GPC5: variants seen among roughly 807,000 people sequenced by gnomAD.
GPC5 encodes glypican-5.
GPC5 carries 47 observed loss-of-function variants against 53.9 expected under a neutral mutation model. The observed-to-expected ratio is 0.87, with a 90% CI of 0.69 to 1.11. GPC5 has a LOEUF of 1.11. Among genes scored for constraint, GPC5 ranks in the 50% most tolerant of loss-of-function variants. The probability of loss-of-function intolerance (pLI) is 0.00; values close to 1 mark genes in which losing one functional copy is unlikely to be tolerated. For synonymous variants in GPC5, 286 were observed against 263.3 expected, an observed-to-expected ratio of 1.09 and a Z score of -0.84; for missense variants, 748 against 713.1, an observed-to-expected ratio of 1.05 and a Z score of -0.56.
At chr13:92,073,465 A>G (rs1166944670) in intron 6 of GPC5, among the ~76,000 whole-genome samples, 1 of 152,198 alleles carries the variant, frequency 6.6e-6, no homozygotes, top group African/African-American at 2.4e-5. Context: ...GGACAAATGT[A>G]GGGCCTTCTG....
At chr13:91,747,244 C>T (rs2037069354) in intron 4 of GPC5, among the ~76,000 whole-genome samples, 1 of 152,156 alleles carries the variant, frequency 6.6e-6, no homozygotes, top group African/African-American at 2.4e-5. Flanking sequence ...ATTCCTTTGT[C>T]AACAGATTCA....
At chr13:92,195,765 T>C (rs895263721) in intron 7 of GPC5, among the ~76,000 whole-genome samples, 8 of 152,242 alleles carry the variant, frequency 5.3e-5, no homozygotes, top group African/African-American at 1.9e-4. Context: ...AAGTTATTTA[T>C]ATACTTAATA....
chr13:92,685,373 G>A (rs1254486256), intron 7 of GPC5, among the ~76,000 whole-genome samples: 2 of 151,962 alleles, frequency 1.3e-5, no homozygotes, highest in Non-Finnish European at 2.9e-5. Context: ...AGGATTACAG[G>A]CATGAGCCAC....
intron 2 of GPC5, among the ~76,000 whole-genome samples, chr13:91,629,133 T>C (rs2034088872): frequency 6.6e-6 from 1 of 152,164 alleles, no homozygotes; most frequent in African/African-American, 2.4e-5. Flanking sequence ...TATGTGTTAA[T>C]AAATTATTTC....
At chr13:92,831,185 A>AAAATC (rs1206400788) in intron 7 of GPC5, among the ~76,000 whole-genome samples, 1 of 152,124 alleles carries the variant, frequency 6.6e-6, no homozygotes, top group Admixed American at 6.6e-5. Context: ...GTAAAATGAT[A>AAAATC]AAATCAAATT....
At chr13:92,784,886 C>T (rs2138766418) in intron 7 of GPC5, among the ~76,000 whole-genome samples, 1 of 152,266 alleles carries the variant, frequency 6.6e-6, no homozygotes, top group East Asian at 1.9e-4. Context: ...ATATGTAACA[C>T]AAATTATTAT....
At chr13:92,305,088 A>C (rs913366605) in intron 7 of GPC5, among the ~76,000 whole-genome samples, 5 of 152,204 alleles carry the variant, frequency 3.3e-5, no homozygotes, top group Non-Finnish European at 7.3e-5. Flanking sequence ...AATTATCAGA[A>C]TAACAGTATA....
chr13:92,712,084 A>G (rs915338569), intron 7 of GPC5, among the ~76,000 whole-genome samples: 1 of 151,398 alleles, frequency 6.6e-6, no homozygotes, highest in African/African-American at 2.4e-5. Flanking sequence ...TTAAAACAAA[A>G]AATAAATTTT....
chr13:92,309,782 G>C (rs1239094757), intron 7 of GPC5, among the ~76,000 whole-genome samples: 1 of 151,980 alleles, frequency 6.6e-6, no homozygotes, highest in Non-Finnish European at 1.5e-5. Flanking sequence ...TGAGCAATTT[G>C]CAAGTGCACA....
intron 1 of GPC5, among the ~76,000 whole-genome samples, chr13:91,406,938 T>A (rs891496069): frequency 2.0e-5 from 3 of 152,242 alleles, no homozygotes; most frequent in African/African-American, 7.2e-5. Context: ...TAATGGAAGG[T>A]AGGGACTCAA....
In GPC5 at chr13:92,307,856, C is replaced by T. The variant is rs575208865; in HGVS notation, c.1561+162867C>T. On this transcript the variant is annotated intron_variant, in intron 7 of 7. Transcript: ENST00000377067. ...TATAAGGCAGTAAGTGGTTAAATTACTTGCCCCCTTTTCTCACTATCTAGG... is the reference window on the plus strand; with the variant it reads ...TATAAGGCAGTAAGTGGTTAAATTATTTGCCCCCTTTTCTCACTATCTAGG... Among the ~76,000 whole-genome samples the T allele has an allele frequency of 4.6e-5, 7 of 152,364 alleles. No homozygotes were observed. The South Asian group carries it at 1.4e-3, about 32-fold the overall frequency.
chr13:91,893,010 A>G (rs2039403948), intron 5 of GPC5, among the ~76,000 whole-genome samples: 1 of 151,978 alleles, frequency 6.6e-6, no homozygotes, highest in Non-Finnish European at 1.5e-5. Context: ...TAGCCTGTGA[A>G]TGTCAAGTGT....
At chr13:92,452,341 A>G (rs1300088691) in intron 7 of GPC5, among the ~76,000 whole-genome samples, 3 of 152,180 alleles carry the variant, frequency 2.0e-5, no homozygotes, top group Admixed American at 1.3e-4. Context: ...TAACAAAAAC[A>G]AATACAGAAA....
At chr13:91,555,356 T>C (rs1381652315) in intron 2 of GPC5, among the ~76,000 whole-genome samples, 1 of 152,014 alleles carries the variant, frequency 6.6e-6, no homozygotes, top group African/African-American at 2.4e-5. Flanking sequence ...CTCAAAAAGA[T>C]GCTTATCTAA....
At chr13:91,860,093 C>A (rs962129353) in intron 5 of GPC5, among the ~76,000 whole-genome samples, 2 of 152,062 alleles carry the variant, frequency 1.3e-5, no homozygotes, top group African/African-American at 4.8e-5. Flanking sequence ...CCTTTGCTAA[C>A]TATTTGAAAC....
At chr13:92,208,408 A>G (rs1270781223) in intron 7 of GPC5, among the ~76,000 whole-genome samples, 6 of 152,232 alleles carry the variant, frequency 3.9e-5, no homozygotes, top group African/African-American at 7.2e-5. Flanking sequence ...GGCCAACCAT[A>G]TTCTATTAAT....
chr13:92,348,062 G>A (rs2043442227), intron 7 of GPC5, among the ~76,000 whole-genome samples: 1 of 112,012 alleles, frequency 8.9e-6, no homozygotes, highest in Non-Finnish European at 2.0e-5. Context: ...ATAAGAGGCA[G>A]AAACAAAGTA....
intron 5 of GPC5, among the ~76,000 whole-genome samples, chr13:91,879,708 G>T (rs2039243744): frequency 6.6e-6 from 1 of 152,150 alleles, no homozygotes; most frequent in Non-Finnish European, 1.5e-5. Context: ...TTCAACATAT[G>T]AATTTGAGAG....
chr13:92,754,622 A>T (rs1874773171), intron 7 of GPC5, among the ~76,000 whole-genome samples: 1 of 151,496 alleles, frequency 6.6e-6, no homozygotes, highest in South Asian at 2.1e-4. Context: ...TCAAAATAAA[A>T]GGATGGAGGA....
Sources: allele counts gnomAD v4.1 joint callset (sites outside exome capture counted in the v4.1 genomes callset), GRCh38; gene constraint gnomAD v4.1.1; transcripts MANE v1.5; gene names NCBI Gene and HGNC (gene_info 2026-07-23, HGNC 2026-07-21).